Variants in ADGRL2 observed in about 807,000 individuals in gnomAD.
The protein encoded by ADGRL2 is adhesion G protein-coupled receptor L2, also known as calcium-independent alpha-latrotoxin receptor 2.
ADGRL2 carries 44 observed loss-of-function variants against 157.4 expected under a neutral mutation model. That is an observed-to-expected ratio of 0.28 (90% CI 0.22 to 0.36). The LOEUF is 0.36. Ranked by LOEUF, ADGRL2 falls within the 10% of genes least tolerant of loss-of-function variation. The pLI, the probability that ADGRL2 is intolerant of heterozygous loss-of-function variation, is 1.00. For synonymous variants in ADGRL2, 585 were observed against 624.7 expected, an observed-to-expected ratio of 0.94 and a Z score of 0.95; for missense variants, 1,510 against 1,768.9, an observed-to-expected ratio of 0.85 and a Z score of 2.63.
At position 81,833,686 on chromosome 1, in the gene ADGRL2, C is replaced by G. The variant is rs562210622; in HGVS notation, c.-100-3199C>G. On this transcript the variant is annotated intron_variant, in intron 1 of 23. Transcript: ENST00000686636. ...TTGTCCTTTTAAGTAATTTTGCGGA[C>G]AGTTTTAGGCGCGGGATATTTAATG... Among the ~76,000 whole-genome samples, 6 of 152,152 alleles carry G rather than the reference C, an allele frequency of 3.9e-5. No individual in the cohort carries two copies. In the East Asian group the frequency reaches 1.2e-3, roughly 29 times the overall value.
intron 3 of ADGRL2, among the ~76,000 whole-genome samples, chr1:81,931,146 C>G: frequency 6.6e-6 from 1 of 151,986 alleles, no homozygotes. Context: ...GAGGCTTTGT[C>G]TCAAAAAAAC....
chr1:81,705,689 G>T (rs2083709823), intron 1 of ADGRL2, among the ~76,000 whole-genome samples: 1 of 151,964 alleles, frequency 6.6e-6, no homozygotes, highest in South Asian at 2.1e-4. Context: ...GGCTGCAATG[G>T]GAGGATCGCT....
At chr1:81,369,063 A>ATTCACTTT (rs1570746342) in intron 1 of ADGRL2, among the ~76,000 whole-genome samples, 2 of 152,230 alleles carry the variant, frequency 1.3e-5, no homozygotes, top group East Asian at 3.9e-4. Context: ...CCTTCTGAAT[A>ATTCACTTT]TTCACTTTTG....
chr1:81,662,033 A>G (rs2148883068), intron 3 of ADGRL2, among the ~76,000 whole-genome samples: 1 of 152,236 alleles, frequency 6.6e-6, no homozygotes, highest in Non-Finnish European at 1.5e-5. Flanking sequence ...GGTACATAGT[A>G]GAAGTATATA....
chr1:81,347,264 G>A (rs917260990), intron 1 of ADGRL2, among the ~76,000 whole-genome samples: 2 of 151,972 alleles, frequency 1.3e-5, no homozygotes, highest in Non-Finnish European at 2.9e-5. Context: ...AGCCAGGTGT[G>A]GTGGTGTGTG....
chr1:81,684,085 G>A (rs1289088792), intron 3 of ADGRL2, among the ~76,000 whole-genome samples: 1 of 152,204 alleles, frequency 6.6e-6, no homozygotes, highest in Non-Finnish European at 1.5e-5. Context: ...GAAGTGCTGG[G>A]ATTACAGGCG....
intron 1 of ADGRL2, among the ~76,000 whole-genome samples, chr1:81,335,595 C>T (rs939020815): frequency 6.6e-6 from 1 of 152,116 alleles, no homozygotes; most frequent in Admixed American, 6.6e-5. Context: ...TGAACAAATA[C>T]AGGATTAAAC....
intron 1 of ADGRL2, among the ~76,000 whole-genome samples, chr1:81,413,028 T>C (rs916779775): frequency 5.9e-5 from 9 of 152,216 alleles, no homozygotes; most frequent in African/African-American, 9.6e-5. Context: ...TTTTTTGTTA[T>C]GCATATATCA....
At chr1:81,400,075 G>A (rs1013831733) in intron 1 of ADGRL2, among the ~76,000 whole-genome samples, 1 of 152,072 alleles carries the variant, frequency 6.6e-6, no homozygotes, top group African/African-American at 2.4e-5. Context: ...ATGCTTCAGT[G>A]GTCTAGGCTA....
chr1:81,337,491 C>G (rs531934071), intron 1 of ADGRL2, among the ~76,000 whole-genome samples: 18 of 152,170 alleles, frequency 1.2e-4, no homozygotes, highest in Non-Finnish European at 2.4e-4. Flanking sequence ...ACAAGCCATC[C>G]CCTTCATGAA....
chr1:81,593,167 G>A (rs2148597138), intron 3 of ADGRL2, among the ~76,000 whole-genome samples: 1 of 152,288 alleles, frequency 6.6e-6, no homozygotes, highest in South Asian at 2.1e-4. Flanking sequence ...AACTAACATA[G>A]TCAAAGTGAA....
chr1:81,920,874 CAAAA>C (rs370702752), intron 3 of ADGRL2, among the ~76,000 whole-genome samples: 1 of 147,388 alleles, frequency 6.8e-6, no homozygotes, highest in Non-Finnish European at 1.5e-5. Context: ...AAAAAAAAAA[CAAAA>C]AAAAAGCCCA....
intron 1 of ADGRL2, among the ~76,000 whole-genome samples, chr1:81,719,148 G>A (rs890450968): frequency 2.6e-5 from 4 of 152,150 alleles, no homozygotes; most frequent in African/African-American, 9.7e-5. Context: ...TAAAAGTTTG[G>A]TTTAAACCTT....
At chr1:81,868,020 T>C (rs1238113632) in intron 2 of ADGRL2, among the ~76,000 whole-genome samples, 1 of 151,392 alleles carries the variant, frequency 6.6e-6, no homozygotes, top group Non-Finnish European at 1.5e-5. Context: ...GTAATCCACT[T>C]AATAAAAAAG....
intron 3 of ADGRL2, among the ~76,000 whole-genome samples, chr1:81,929,184 A>G (rs192154381): frequency 3.9e-5 from 6 of 152,228 alleles, no homozygotes; most frequent in Non-Finnish European, 8.8e-5. Flanking sequence ...TGTGGTGAAT[A>G]ATGGCCCCTG....
At chr1:81,657,561 T>C (rs911673173) in intron 3 of ADGRL2, among the ~76,000 whole-genome samples, 2 of 152,138 alleles carry the variant, frequency 1.3e-5, no homozygotes, top group African/African-American at 2.4e-5. Flanking sequence ...TCTGCTCCCT[T>C]CCCACTCCCT....
chr1:81,309,634 T>C (rs1002277061), intron 1 of ADGRL2, among the ~76,000 whole-genome samples: 1 of 152,182 alleles, frequency 6.6e-6, no homozygotes. Context: ...TCTCAATCTG[T>C]ATTATCATTA....
intron 1 of ADGRL2, among the ~76,000 whole-genome samples, chr1:81,347,135 A>G (rs999997775): frequency 3.3e-5 from 5 of 152,194 alleles, no homozygotes; most frequent in Non-Finnish European, 7.4e-5. Flanking sequence ...GCAGTGGCTC[A>G]TGCCTGTAAT....
At chr1:81,691,880 G>GTATATATATA (rs58043778) in intron 3 of ADGRL2, among the ~76,000 whole-genome samples, 6 of 119,874 alleles carry the variant, frequency 5.0e-5, no homozygotes, top group South Asian at 2.6e-4. Context: ...GTGTGTGTGT[G>GTATATATATA]TATATATATA....
Sources: gnomAD v4.1 joint callset for allele counts (sites outside exome capture counted in the v4.1 genomes callset) on GRCh38, gnomAD v4.1.1 for gene constraint, MANE v1.5 for transcripts, NCBI Gene and HGNC (gene_info 2026-07-23, HGNC 2026-07-21) for gene names.